AGBL1: variants seen among roughly 807,000 people sequenced by gnomAD.
AGBL1 encodes AGBL carboxypeptidase 1.
Under a neutral mutation model 118.9 loss-of-function variants are expected in AGBL1, and 130 were observed. The observed-to-expected ratio is 1.09, with a 90% CI of 0.95 to 1.26. The LOEUF (loss-of-function observed/expected upper bound fraction) is 1.26. AGBL1 is among the 50% of genes most tolerant of loss of function. The pLI, the probability that AGBL1 is intolerant of heterozygous loss-of-function variation, is 0.00. For synonymous variants in AGBL1, 555 were observed against 478.9 expected (o/e 1.16, Z -2.08); for missense variants, 1,584 against 1,298.1 (o/e 1.22, Z -3.38).
At chr15:86,200,550 A>T (rs1471010464) in intron 5 of AGBL1, among the ~76,000 whole-genome samples, 215 of 71,990 alleles carry the variant, frequency 3.0e-3, no homozygotes, top group Middle Eastern at 9.4e-3. Context: ...ATAGACCCCT[A>T]CCCCCCCCCC....
chr15:86,620,883 C>T (rs1156597271), intron 21 of AGBL1, among the ~76,000 whole-genome samples: 1 of 151,800 alleles, frequency 6.6e-6, no homozygotes, highest in Non-Finnish European at 1.5e-5. Context: ...CTTCACGGCT[C>T]TTTTTCAAGT....
At chr15:86,625,376 TTTGTTTTTG>T (rs562836921) in intron 21 of AGBL1, among the ~76,000 whole-genome samples, 8,350 of 51,370 alleles carry the variant, frequency 0.16, 1,509 homozygotes, top group South Asian at 0.24. Context: ...TTTTTTTTTT[TTTGTTTTTG>T]TTTTTTTTTT....
chr15:86,402,165 C>A (rs1000127198), intron 18 of AGBL1, among the ~76,000 whole-genome samples: 1 of 151,214 alleles, frequency 6.6e-6, no homozygotes, highest in Admixed American at 6.6e-5. Flanking sequence ...TATTTTACCT[C>A]CTTGGTTAAG....
intron 1 of AGBL1, among the ~76,000 whole-genome samples, chr15:86,126,894 C>A (rs920867086): frequency 1.3e-5 from 2 of 152,202 alleles, no homozygotes; most frequent in African/African-American, 4.8e-5. Flanking sequence ...GGGAAACATT[C>A]TGCTTTGAAG....
intron 22 of AGBL1, among the ~76,000 whole-genome samples, chr15:86,804,614 A>C (rs751030328): frequency 6.6e-6 from 1 of 152,330 alleles, no homozygotes; most frequent in East Asian, 1.9e-4. Flanking sequence ...AAACTAAGCA[A>C]TGCCAGTTCT....
intron 22 of AGBL1, among the ~76,000 whole-genome samples, chr15:86,795,587 AT>A (rs201093513): frequency 0.039 from 5,325 of 138,076 alleles, 184 homozygotes; most frequent in African/African-American, 0.087. Context: ...TTTCTGCTTG[AT>A]TTTTTTTTTT....
intron 19 of AGBL1, among the ~76,000 whole-genome samples, chr15:86,543,160 A>T (rs1412474811): frequency 6.7e-6 from 1 of 148,410 alleles, no homozygotes; most frequent in East Asian, 1.9e-4. Flanking sequence ...CCACATTTGA[A>T]TTATTATTCA....
At chr15:86,584,345 C>A (rs1282866064) in intron 21 of AGBL1, among the ~76,000 whole-genome samples, 3 of 152,026 alleles carry the variant, frequency 2.0e-5, no homozygotes, top group African/African-American at 7.2e-5. Context: ...TTTAATCCGT[C>A]TTGAGTTAAT....
intron 17 of AGBL1, among the ~76,000 whole-genome samples, chr15:86,367,163 T>C (rs543956509): frequency 1.9e-4 from 29 of 152,328 alleles, no homozygotes; most frequent in Non-Finnish European, 3.2e-4. Flanking sequence ...GAAAAATCTA[T>C]GGGCTCATGT....
chr15:86,421,800 C>A (rs1196058331), intron 18 of AGBL1, among the ~76,000 whole-genome samples: 3 of 152,080 alleles, frequency 2.0e-5, no homozygotes, highest in Non-Finnish European at 4.4e-5. Flanking sequence ...GGGTTGCAAT[C>A]CTCATCTCTG....
At chr15:86,943,136 C>G (rs1311837932) in intron 23 of AGBL1, among the ~76,000 whole-genome samples, 1 of 152,146 alleles carries the variant, frequency 6.6e-6, no homozygotes, top group African/African-American at 2.4e-5. Flanking sequence ...ATCTCAGGTA[C>G]TTAAAATAAT....
intron 21 of AGBL1, among the ~76,000 whole-genome samples, chr15:86,604,257 C>G (rs1001157826): frequency 1.3e-5 from 2 of 152,066 alleles, no homozygotes; most frequent in African/African-American, 4.8e-5. Context: ...AATTAACATT[C>G]TCATTAAACA....
chr15:86,959,773 T>C (rs1287165224), intron 23 of AGBL1, among the ~76,000 whole-genome samples: 1 of 152,080 alleles, frequency 6.6e-6, no homozygotes, highest in Non-Finnish European at 1.5e-5. Context: ...TCACAAGACT[T>C]ATCTTTTTCT....
chr15:86,762,446 A>G (rs544753223), intron 22 of AGBL1, among the ~76,000 whole-genome samples: 1 of 152,192 alleles, frequency 6.6e-6, no homozygotes, highest in African/African-American at 2.4e-5. Flanking sequence ...GTGAAATAGT[A>G]AAGAGTCATG....
Position 86,373,931 on chromosome 15 carries a change from G to A in AGBL1, c.2375-23435G>A, listed in dbSNP as rs374955780. 1.4e-3 allele frequency among the ~76,000 whole-genome samples: 217 copies of A among 152,292 alleles called. 1 individual carries two copies. The highest frequency in any genetic ancestry group is 5.1e-3 in the African/African-American group (211 of 41,556). On this transcript the variant is annotated intron_variant, in intron 17 of 22. Transcript: ENST00000614907. ...TGCTAAATACAGGGCTTGCTGTATA[G>A]TAGCTATTACTAACTGATAATTCAC...
chr15:86,735,602 CTGTGTGTG>C (rs35147328), intron 22 of AGBL1, among the ~76,000 whole-genome samples: 21 of 141,994 alleles, frequency 1.5e-4, no homozygotes, highest in Admixed American at 4.2e-4. Flanking sequence ...GAGATACAGA[CTGTGTGTG>C]TGTGTGTGTG....
At chr15:86,787,019 A>G (rs755088518) in intron 22 of AGBL1, among the ~76,000 whole-genome samples, 4 of 152,194 alleles carry the variant, frequency 2.6e-5, no homozygotes, top group African/African-American at 4.8e-5. Flanking sequence ...CATTTTGTCA[A>G]CACTTGGTGG....
At chr15:86,120,239 A>G (rs553235638) in intron 1 of AGBL1, among the ~76,000 whole-genome samples, 2 of 152,250 alleles carry the variant, frequency 1.3e-5, no homozygotes, top group East Asian at 3.9e-4. Context: ...TACTTGATAG[A>G]TGAACACCTA....
chr15:86,710,527 G>A lies in AGBL1; in HGVS notation c.3158+36091G>A, dbSNP rs932825746. On this transcript the variant is annotated intron_variant, in intron 22 of 22. Coordinates refer to ENST00000614907, the MANE Select transcript of AGBL1 (RefSeq NM_001386094.1). ...TGCAATTTAATTGGTGTGAGGCAGCGTAGATTTGTGAAAATAAATCATGTC... is the reference window on the plus strand; with the variant it reads ...TGCAATTTAATTGGTGTGAGGCAGCATAGATTTGTGAAAATAAATCATGTC... 8.5e-5 allele frequency among the ~76,000 whole-genome samples: 13 copies of A among 152,150 alleles called. No individual in the cohort carries two copies. In the East Asian group the frequency reaches 1.3e-3, roughly 16 times the overall value.
Sources: allele counts gnomAD v4.1 joint callset (sites outside exome capture counted in the v4.1 genomes callset), GRCh38; gene constraint gnomAD v4.1.1; transcripts MANE v1.5; gene names NCBI Gene and HGNC (gene_info 2026-07-23, HGNC 2026-07-21).